Variants in NCOR2 observed in about 807,000 individuals in gnomAD.
The protein encoded by NCOR2 is nuclear receptor corepressor 2, also known as CTG repeat protein 26.
Under a neutral mutation model 262.9 loss-of-function variants are expected in NCOR2, and 81 were observed. The ratio of observed to expected loss-of-function variants is 0.31; its 90% CI spans 0.26 to 0.37. The LOEUF (loss-of-function observed/expected upper bound fraction) is 0.37, where lower values mean the gene tolerates loss of function less well. Among genes scored for constraint, NCOR2 ranks in the 10% least tolerant of loss-of-function variants. NCOR2 has a pLI of 1.00. For missense variants in NCOR2, 3,385 were observed against 3,621.4 expected, an observed-to-expected ratio of 0.93 and a Z score of 1.68; for synonymous variants, 1,659 against 1,559.3, an observed-to-expected ratio of 1.06 and a Z score of -1.51.
intron 1 of NCOR2, chr12:124,514,760 C>T (rs1020760767): frequency 6.8e-6 from 1 of 146,730 alleles, no homozygotes; most frequent in Non-Finnish European, 1.5e-5. Context: ...TCGCTTGAAC[C>T]TGAAAGAAAG....
intron 1 of NCOR2, among the ~76,000 whole-genome samples, chr12:124,559,297 T>G (rs2051993165): frequency 6.6e-6 from 1 of 152,198 alleles, no homozygotes. Context: ...CTTGCAATAT[T>G]GCCTCCAAAA....
chr12:124,325,381 C>CCCT (rs778700390), exon 47 of NCOR2: 1 of 380,678 alleles, frequency 2.6e-6, no homozygotes, highest in African/African-American at 2.7e-5. Context: ...GACACCGCCC[C>CCCT]CCCCCCCGCC....
At chr12:124,485,727 C>A (rs1258602812) in intron 2 of NCOR2, among the ~76,000 whole-genome samples, 1 of 152,244 alleles carries the variant, frequency 6.6e-6, no homozygotes, top group Admixed American at 6.5e-5. Flanking sequence ...GGTGCCTCGA[C>A]TTCTAGTCCT....
chr12:124,505,211 G>T (rs1384852335), intron 1 of NCOR2, among the ~76,000 whole-genome samples: 1 of 152,156 alleles, frequency 6.6e-6, no homozygotes, highest in Non-Finnish European at 1.5e-5. Flanking sequence ...AATGGGGCAG[G>T]TTCAGTCTGT....
At chr12:124,501,228 G>A (rs1305698115) in intron 1 of NCOR2, among the ~76,000 whole-genome samples, 2 of 152,008 alleles carry the variant, frequency 1.3e-5, no homozygotes, top group Non-Finnish European at 2.9e-5. Context: ...GCGAAGACAG[G>A]CAGGCCCCAG....
rs773537501 is a variant in NCOR2, at chr12:124,343,275, C to T, written c.4715-49G>A. 9.4e-5 allele frequency: 145 copies of T among 1,540,724 alleles called. No individual in the cohort carries two copies. In the Admixed American group the frequency reaches 1.1e-3, roughly 12 times the overall value. On this transcript the variant is annotated intron_variant, in intron 32 of 46. Coordinates refer to ENST00000405201, the Ensembl canonical transcript of NCOR2. ...ATCGGGCCTCTGGGGCTGGCATTTA[C>T]GGGGAGTTGTTTGAGGATAGGGACC...
Position 124,504,265 on chromosome 12 carries a change from G to A in NCOR2, c.-117-8897C>T, listed in dbSNP as rs1257329538. On this transcript the variant is annotated intron_variant, in intron 1 of 46. Coordinates refer to the NCOR2 transcript ENST00000404621. This position sits in a 1 kb window ranked among gnomAD's most constrained non-coding sequence, Gnocchi z 4.5. The stretch of plus-strand genomic sequence containing the variant: ...TTAAAGCCAGAAAGCTGGGGTGCCC[G>A]GAGCGTCTCGTCAGGTCCCAGACTT... Among the ~76,000 whole-genome samples, 4 of 152,204 alleles carry A rather than the reference G, an allele frequency of 2.6e-5. No homozygotes were observed. The highest frequency in any genetic ancestry group is 6.5e-5 in the Admixed American group (1 of 15,278).
rs11057659 is a variant in NCOR2 at position 124,532,181 on chromosome 12, G to A, written c.-118+3384C>T. ...ACAAAGTGCTTAGTGCACGCATAGC[G>A]AGTGTCGGCCCTGAGGTCTGTCCCC... On this transcript the variant is annotated intron_variant, in intron 1 of 46. Coordinates refer to the NCOR2 transcript ENST00000404621. 0.013 allele frequency among the ~76,000 whole-genome samples: 1,993 copies of A among 152,204 alleles called. 112 individuals are homozygous for A. In the East Asian group the frequency reaches 0.16, roughly 12 times the overall value.
chr12:124,362,371 G>T (rs566785474), intron 21 of NCOR2, 74 bp from the exon 24 acceptor site: 1 of 1,286,984 alleles, frequency 7.8e-7, no homozygotes, highest in Non-Finnish European at 1.0e-6. Context: ...AGACATGCAC[G>T]CGACCAGCCT....
chr12:124,357,115 C>T (rs1489938405), intron 22 of NCOR2, among the ~76,000 whole-genome samples: 1 of 152,232 alleles, frequency 6.6e-6, no homozygotes, highest in African/African-American at 2.4e-5. Flanking sequence ...GCCTCTAAGC[C>T]AGGAGGTGGC....
intron 3 of NCOR2, among the ~76,000 whole-genome samples, chr12:124,478,756 G>A (rs1343269782): frequency 6.6e-6 from 1 of 152,086 alleles, no homozygotes; most frequent in Non-Finnish European, 1.5e-5. Context: ...TCGAGAAACA[G>A]AAATGGACAT....
intron 21 of NCOR2, among the ~76,000 whole-genome samples, chr12:124,363,052 T>C (rs1192781604): frequency 1.3e-5 from 2 of 152,262 alleles, no homozygotes; most frequent in Non-Finnish European, 2.9e-5. Flanking sequence ...CAGCTCCTTC[T>C]GTGGACCCAA....
intron 6 of NCOR2, among the ~76,000 whole-genome samples, chr12:124,453,504 C>T (rs563538776): frequency 2.0e-5 from 3 of 152,298 alleles, no homozygotes; most frequent in South Asian, 4.1e-4. Context: ...AGGTGCCAGA[C>T]GCAGGGCGCA....
chr12:124,347,875 C>A, exon 30 of NCOR2: 1 of 1,567,864 alleles, frequency 6.4e-7, no homozygotes, highest in African/African-American at 1.3e-5. Flanking sequence ...GTGGTGGGGG[C>A]TGTGTCGCTC....
intron 13 of NCOR2, among the ~76,000 whole-genome samples, chr12:124,405,831 C>T (rs539432031): frequency 2.0e-5 from 3 of 152,298 alleles, no homozygotes; most frequent in South Asian, 2.1e-4. Context: ...CCGACACTGG[C>T]GAGGCTGGGC....
chr12:124,520,177 G>C (rs1455005289), intron 1 of NCOR2, among the ~76,000 whole-genome samples: 2 of 152,208 alleles, frequency 1.3e-5, no homozygotes, highest in African/African-American at 4.8e-5. Flanking sequence ...GGTTTCCGTA[G>C]ACCTGCCCCA....
chr12:124,363,584 A>AG, intron 21 of NCOR2, 95 bp downstream of exon 23: 2 of 1,111,668 alleles, frequency 1.8e-6, no homozygotes, highest in Non-Finnish European at 2.4e-6. Context: ...GCTAGGCTGC[A>AG]GGTGCATGCT....
At chr12:124,488,055 T>TTCG (rs1192967813) in intron 1 of NCOR2, among the ~76,000 whole-genome samples, 1 of 152,222 alleles carries the variant, frequency 6.6e-6, no homozygotes, top group African/African-American at 2.4e-5. Flanking sequence ...TACAAGGGAC[T>TTCG]TCGTCTCTTC....
In NCOR2 at chr12:124,342,733, T is replaced by C. The variant is rs145219178; in HGVS notation, c.4936+272A>G. 7.7e-4 allele frequency among the ~76,000 whole-genome samples: 117 copies of C among 152,348 alleles called. 3 individuals are homozygous for C. The South Asian group carries it at 0.014, about 19-fold the overall frequency. ...TGCATATACTCAAGTCCTCATTCTA[T>C]ACCTTTGCATTGCTAAAGGCACTGA... On this transcript the variant is annotated intron_variant, in intron 33 of 46. Coordinates refer to ENST00000405201, the Ensembl canonical transcript of NCOR2.
Sources: gnomAD v4.1 joint callset for allele counts (sites outside exome capture counted in the v4.1 genomes callset) on GRCh38, gnomAD v4.1.1 for gene constraint, Gnocchi (gnomAD v3.1) non-coding constraint, MANE v1.5 for transcripts, NCBI Gene and HGNC (gene_info 2026-07-23, HGNC 2026-07-21) for gene names.